Variants in PRUNE2 observed in about 807,000 individuals in gnomAD.
The protein encoded by PRUNE2 is protein prune homolog 2.
Under a neutral mutation model 252.0 loss-of-function variants are expected in PRUNE2, and 164 were observed. The ratio of observed to expected loss-of-function variants is 0.65; its 90% confidence interval spans 0.57 to 0.74. PRUNE2 has a LOEUF of 0.74. PRUNE2 is among the 30% of genes least tolerant of loss of function. The probability of loss-of-function intolerance (pLI) is 0.00; values close to 1 mark genes in which losing one functional copy is unlikely to be tolerated. For synonymous variants in PRUNE2, 1,292 were observed against 1,350.2 expected (o/e 0.96, Z 0.94); for missense variants, 3,495 against 3,711.0 (o/e 0.94, Z 1.51).
intron 6 of PRUNE2, chr9:76,739,403 A>T (rs1335747282): frequency 6.6e-6 from 1 of 152,192 alleles, no homozygotes; most frequent in African/African-American, 2.4e-5. Flanking sequence ...CACTATTAAT[A>T]GTCTTTAATG....
At chr9:76,840,536 G>T (rs760647003) in intron 4 of PRUNE2, among the ~76,000 whole-genome samples, 45 of 152,144 alleles carry the variant, frequency 3.0e-4, no homozygotes, top group Non-Finnish European at 6.3e-4. Flanking sequence ...GTCCACTGAG[G>T]TCTAATTATG....
At chr9:76,880,811 T>C (rs12003040) in intron 1 of PRUNE2, among the ~76,000 whole-genome samples, 76 of 152,362 alleles carry the variant, frequency 5.0e-4, no homozygotes, top group African/African-American at 1.7e-3. Context: ...TTATTTTAAA[T>C]AAAATGTTAT....
chr9:76,821,786 T>C (rs1018077821), intron 6 of PRUNE2, among the ~76,000 whole-genome samples: 2 of 152,172 alleles, frequency 1.3e-5, no homozygotes, highest in African/African-American at 4.8e-5. Context: ...TTCTGCTTGA[T>C]AGACATTTAC....
intron 9 of PRUNE2, among the ~76,000 whole-genome samples, chr9:76,663,034 T>C (rs2039419660): frequency 6.6e-6 from 1 of 152,236 alleles, no homozygotes; most frequent in Non-Finnish European, 1.5e-5. Flanking sequence ...TTGAGGGTTC[T>C]TGTCTGATAA....
At chr9:76,821,620 A>G (rs910002406) in intron 6 of PRUNE2, among the ~76,000 whole-genome samples, 2 of 152,112 alleles carry the variant, frequency 1.3e-5, no homozygotes, top group East Asian at 1.9e-4. Flanking sequence ...CATTCAGCCT[A>G]TAAGAGTTTA....
At chr9:76,634,025 T>C (rs186708346) in intron 15 of PRUNE2, among the ~76,000 whole-genome samples, 6 of 151,978 alleles carry the variant, frequency 3.9e-5, no homozygotes, top group Middle Eastern at 3.4e-3. Context: ...GGTGGGAGGA[T>C]TGCTTGATCC....
chr9:76,709,830 G>A lies in PRUNE2; in HGVS notation c.2444C>T (p.Thr815Ile), dbSNP rs79930604. 4.0e-4 allele frequency: 641 copies of A among 1,613,902 alleles called. 3 individuals carry two copies. The East Asian group carries it at 0.013, about 34-fold the overall frequency. Reference protein sequence around the residue: ...KEDHDEALKNTWNLHPTSSKT... With the variant: ...KEDHDEALKNIWNLHPTSSKT... ...GCTGCTTGTTGGGTGCAAATTCCAG[G>A]TATTTTTTAAAGCTTCATCATGATC... Residue 815 changes from threonine to isoleucine, a missense_variant, in exon 8 of 19, where the codon ACC becomes ATC. Transcript: ENST00000376718.
At chr9:76,622,192 C>A (rs1338298624) in intron 17 of PRUNE2, among the ~76,000 whole-genome samples, 1 of 152,104 alleles carries the variant, frequency 6.6e-6, no homozygotes, top group Admixed American at 6.6e-5. Flanking sequence ...CTACTATGTA[C>A]CAGGCACGAG....
At chr9:76,820,621 C>T (rs534872038) in intron 6 of PRUNE2, among the ~76,000 whole-genome samples, 4 of 152,302 alleles carry the variant, frequency 2.6e-5, no homozygotes, top group East Asian at 3.9e-4. Context: ...CCCATATCCC[C>T]GACATGCTGC....
chr9:76,699,107 C>G (rs1231797836), intron 9 of PRUNE2, among the ~76,000 whole-genome samples: 1 of 141,902 alleles, frequency 7.0e-6, no homozygotes, highest in Non-Finnish European at 1.5e-5. Flanking sequence ...TGAATATCAT[C>G]CCTTTTCTCA....
At chr9:76,696,779 C>T (rs931913405) in intron 9 of PRUNE2, among the ~76,000 whole-genome samples, 8 of 152,190 alleles carry the variant, frequency 5.3e-5, no homozygotes, top group African/African-American at 1.2e-4. Flanking sequence ...GGGGAAGAGG[C>T]GGGAGTGCCT....
intron 4 of PRUNE2, among the ~76,000 whole-genome samples, chr9:76,836,678 C>G (rs1564404388): frequency 6.6e-6 from 1 of 152,144 alleles, no homozygotes; most frequent in Non-Finnish European, 1.5e-5. Context: ...AAGGCAACAG[C>G]AAGACCTAGC....
chr9:76,781,636 T>C (rs893219689), intron 6 of PRUNE2, among the ~76,000 whole-genome samples: 12 of 152,228 alleles, frequency 7.9e-5, no homozygotes, highest in Non-Finnish European at 1.5e-4. Context: ...CTTAAATTAG[T>C]TTGAAATCTA....
intron 6 of PRUNE2, among the ~76,000 whole-genome samples, chr9:76,812,716 C>A (rs761549725): frequency 1.3e-5 from 2 of 152,170 alleles, no homozygotes; most frequent in Non-Finnish European, 2.9e-5. Context: ...GAGAATGTGA[C>A]CGGAAGCAAT....
chr9:76,818,626 G>A (rs576560140), intron 6 of PRUNE2, among the ~76,000 whole-genome samples: 2 of 152,142 alleles, frequency 1.3e-5, no homozygotes, highest in South Asian at 2.1e-4. Flanking sequence ...AGAGAAAACG[G>A]CCCTGAACAA....
rs1451580379 is a variant in PRUNE2, at chr9:76,693,682, T to TCCA, written c.8276+9652_8276+9654dup. On this transcript the variant is annotated intron_variant, in intron 9 of 18. Coordinates refer to ENST00000376718, the MANE Select transcript of PRUNE2 (RefSeq NM_015225.3). ...TGGTCTTGAACTCCTGACCTCGTGA[T>TCCA]CCACCCGCCTTGGCCTCTCAAAGTG... 1.3e-4 allele frequency among the ~76,000 whole-genome samples: 20 copies of TCCA among 152,144 alleles called. No individual in the cohort carries two copies. The South Asian group carries it at 4.2e-3, about 32-fold the overall frequency.
In PRUNE2 at chr9:76,877,363, G is replaced by A. The variant is rs149460729; in HGVS notation, c.37-23155C>T. Among the ~76,000 whole-genome samples the A allele has an allele frequency of 6.5e-3, 987 of 152,070 alleles. 14 individuals carry two copies. Among genetic ancestry groups the A allele is most frequent in the African/African-American group, 0.022 (915 of 41,494 alleles). On this transcript the variant is annotated intron_variant, in intron 1 of 18. Transcript: ENST00000376718. ...CTACTAAAAATACAAAAAATTAGCC[G>A]GGTGTGGTGGCAGTCACCTGTAGTC...
At chr9:76,637,685 C>T in intron 13 of PRUNE2, 136 bp from the exon 14 acceptor site, 2 of 708,702 alleles carry the variant, frequency 2.8e-6, no homozygotes, top group Non-Finnish European at 4.5e-6. Flanking sequence ...GGGAAGAATA[C>T]AATTACCTAA....
At chr9:76,782,932 C>T (rs1382499663) in intron 6 of PRUNE2, 1 of 152,188 alleles carries the variant, frequency 6.6e-6, no homozygotes, top group African/African-American at 2.4e-5. Context: ...CTGCAAATGT[C>T]CTGGGTCTTA....
Sources: allele counts gnomAD v4.1 joint callset (sites outside exome capture counted in the v4.1 genomes callset), GRCh38; gene constraint gnomAD v4.1.1; transcripts MANE v1.5; gene names NCBI Gene and HGNC (gene_info 2026-07-23, HGNC 2026-07-21).